The following RABGAP1L variants were observed in gnomAD, a reference collection of about 807,000 sequenced individuals.
RABGAP1L encodes RAB GTPase activating protein 1 like, also known as rab GTPase-activating protein 1-like.
In RABGAP1L, 63 loss-of-function variants were observed where a neutral mutation model predicts 137.7. The ratio of observed to expected loss-of-function variants is 0.46; its 90% CI spans 0.37 to 0.56. The LOEUF (loss-of-function observed/expected upper bound fraction) is 0.56, where lower values mean the gene tolerates loss of function less well. RABGAP1L is among the 20% of genes least tolerant of loss of function. RABGAP1L has a pLI of 0.00. For synonymous variants in RABGAP1L, 431 were observed against 433.7 expected, an observed-to-expected ratio of 0.99 and a Z score of 0.08; for missense variants, 1,095 against 1,244.0, an observed-to-expected ratio of 0.88 and a Z score of 1.80.
intron 17 of RABGAP1L, among the ~76,000 whole-genome samples, chr1:174,750,363 T>G (rs1396134450): frequency 8.5e-3 from 2 of 234 alleles, no homozygotes; most frequent in Non-Finnish European, 0.011. Flanking sequence ...ATCTGAACTA[T>G]TTTTTTCAGG....
intron 18 of RABGAP1L, among the ~76,000 whole-genome samples, chr1:174,753,637 C>T (rs982279732): frequency 6.6e-6 from 1 of 152,124 alleles, no homozygotes; most frequent in African/African-American, 2.4e-5. Flanking sequence ...TTAATGAAGT[C>T]ATGGGTTTTG....
intron 14 of RABGAP1L, among the ~76,000 whole-genome samples, chr1:174,677,268 G>C (rs1236832933): frequency 6.6e-6 from 1 of 152,148 alleles, no homozygotes; most frequent in African/African-American, 2.4e-5. Flanking sequence ...GCTTCAGTGA[G>C]CCGACAGAGG....
chr1:174,793,730 G>A (rs1358846547), intron 18 of RABGAP1L, among the ~76,000 whole-genome samples: 2 of 151,006 alleles, frequency 1.3e-5, no homozygotes, highest in Non-Finnish European at 2.9e-5. Context: ...GATTTTCACT[G>A]TGTCACCCAG....
rs1364660993 is a variant in RABGAP1L, at chr1:174,272,577, A to G, written c.1053+97A>G. 3.6e-6 allele frequency: 5 copies of G among 1,374,046 alleles called. No homozygotes were observed. In the South Asian group the frequency reaches 5.9e-5, roughly 16 times the overall value. 85.1% of individuals were successfully genotyped at this position (1,374,046 alleles called of 1,614,324 possible). On this transcript the variant is annotated intron_variant, in intron 8 of 25. Coordinates refer to ENST00000681986, the MANE Select transcript of RABGAP1L (RefSeq NM_001366446.1). Reference sequence around the variant, plus strand: ...TTACAAATTTTGTCATATTGTCAAAATTATTTCTTGCAGCTGTGTGATAGT... The same window carrying G: ...TTACAAATTTTGTCATATTGTCAAAGTTATTTCTTGCAGCTGTGTGATAGT...
intron 13 of RABGAP1L, among the ~76,000 whole-genome samples, chr1:174,401,336 C>A (rs946437371): frequency 2.6e-5 from 4 of 152,108 alleles, no homozygotes; most frequent in African/African-American, 9.7e-5. Context: ...TAATATGTAT[C>A]TTACAGGATT....
intron 5 of RABGAP1L, among the ~76,000 whole-genome samples, chr1:174,243,948 T>C (rs911722410): frequency 6.6e-6 from 1 of 152,252 alleles, no homozygotes; most frequent in Non-Finnish European, 1.5e-5. Flanking sequence ...ATTTTAGTTA[T>C]GTTTTATAAA....
chr1:174,941,692 A>T (rs1298271780), intron 19 of RABGAP1L, among the ~76,000 whole-genome samples: 1 of 42,292 alleles, frequency 2.4e-5, no homozygotes, highest in East Asian at 3.9e-4. Flanking sequence ...AAACGAAACA[A>T]AACAAAACAA....
At chr1:174,846,027 G>T (rs995043284) in intron 19 of RABGAP1L, among the ~76,000 whole-genome samples, 3 of 149,180 alleles carry the variant, frequency 2.0e-5, no homozygotes, top group African/African-American at 2.5e-5. Context: ...GGTGTTTGTA[G>T]TATTCTCTGA....
intron 17 of RABGAP1L, among the ~76,000 whole-genome samples, chr1:174,733,500 T>C (rs1682682140): frequency 6.6e-6 from 1 of 152,258 alleles, no homozygotes; most frequent in South Asian, 2.1e-4. Context: ...AACTGCTTTG[T>C]AAGCATCTAC....
At chr1:174,289,134 C>T (rs1402644082) in intron 10 of RABGAP1L, among the ~76,000 whole-genome samples, 1 of 152,124 alleles carries the variant, frequency 6.6e-6, no homozygotes, top group African/African-American at 2.4e-5. Flanking sequence ...AACTCCAGGG[C>T]TCAAGTGATG....
chr1:174,193,022 T>C (rs928593036), intron 1 of RABGAP1L, among the ~76,000 whole-genome samples: 4 of 152,124 alleles, frequency 2.6e-5, no homozygotes, highest in African/African-American at 9.7e-5. Context: ...ATTTGTAAGG[T>C]GGGAATACAG....
chr1:174,290,920 C>A lies in RABGAP1L; in HGVS notation c.1323+12141C>A, dbSNP rs911651351. 3.9e-5 allele frequency among the ~76,000 whole-genome samples: 6 copies of A among 152,050 alleles called. No individual in the cohort carries two copies. In the East Asian group the frequency reaches 7.7e-4, roughly 20 times the overall value. On this transcript the variant is annotated intron_variant, in intron 10 of 25. Transcript: ENST00000681986. Reference sequence around the variant, plus strand: ...GGGACTACAAGCATGTGCCACCACACCTGGCTAAGTTTTAATTTTTTGTAG... The same window carrying A: ...GGGACTACAAGCATGTGCCACCACAACTGGCTAAGTTTTAATTTTTTGTAG...
At position 174,554,260 on chromosome 1, in the gene RABGAP1L, T is replaced by TTCTATCA. The variant is rs371966917; in HGVS notation, c.1711-83114_1711-83113insCTATCAT. On this transcript the variant is annotated intron_variant, in intron 13 of 25. Coordinates refer to ENST00000681986, the MANE Select transcript of RABGAP1L (RefSeq NM_001366446.1). ...ACTTGGGCCTTCTATCATTTGCCTA[T>TTCTATCA]TTTGAGAAAGGCTATTTCCCTTTTC... 2.9e-3 allele frequency among the ~76,000 whole-genome samples: 435 copies of TTCTATCA among 152,332 alleles called. 5 individuals carry two copies. The highest frequency in any genetic ancestry group is 0.01 in the African/African-American group (417 of 41,562).
intron 18 of RABGAP1L, among the ~76,000 whole-genome samples, chr1:174,794,254 C>G (rs546138773): frequency 6.6e-6 from 1 of 152,272 alleles, no homozygotes; most frequent in East Asian, 1.9e-4. Context: ...CTTAGTGAAC[C>G]GAAGAGGCAG....
At chr1:174,199,748 G>T (rs1342494367) in intron 1 of RABGAP1L, among the ~76,000 whole-genome samples, 3 of 152,006 alleles carry the variant, frequency 2.0e-5, no homozygotes, top group Non-Finnish European at 4.4e-5. Flanking sequence ...TTTATTCTGG[G>T]TTTCCATGAG....
chr1:174,855,648 A>G (rs1649169037), intron 19 of RABGAP1L, among the ~76,000 whole-genome samples: 1 of 152,152 alleles, frequency 6.6e-6, no homozygotes, highest in Non-Finnish European at 1.5e-5. Context: ...TATGGGCCTC[A>G]TTTTCTGCCC....
intron 1 of RABGAP1L, among the ~76,000 whole-genome samples, chr1:174,218,885 G>A (rs933038669): frequency 6.6e-6 from 1 of 152,078 alleles, no homozygotes; most frequent in East Asian, 1.9e-4. Flanking sequence ...GGACTGGTTT[G>A]TGTAAATTTT....
intron 11 of RABGAP1L, among the ~76,000 whole-genome samples, chr1:174,321,331 G>A (rs1364009076): frequency 1.3e-5 from 2 of 152,056 alleles, no homozygotes; most frequent in Non-Finnish European, 2.9e-5. Flanking sequence ...CATTTGGCTT[G>A]TGATATTTTG....
chr1:174,384,021 A>T (rs948759306), intron 12 of RABGAP1L, among the ~76,000 whole-genome samples: 8 of 152,184 alleles, frequency 5.3e-5, no homozygotes, highest in African/African-American at 1.9e-4. Flanking sequence ...CAAACTGCAA[A>T]CAACCCAAAT....
Sources: gnomAD v4.1 joint callset for allele counts (sites outside exome capture counted in the v4.1 genomes callset) on GRCh38, gnomAD v4.1.1 for gene constraint, MANE v1.5 for transcripts, NCBI Gene and HGNC (gene_info 2026-07-23, HGNC 2026-07-21) for gene names.